TOX: variants seen among roughly 807,000 people sequenced by gnomAD.
TOX encodes the protein thymocyte selection-associated high mobility group box protein TOX.
TOX carries 11 observed loss-of-function variants against 53.7 expected under a neutral mutation model. That is an observed-to-expected ratio of 0.20 (90% confidence interval 0.13 to 0.34). The LOEUF is 0.34. Ranked by LOEUF, TOX falls within the 10% of genes least tolerant of loss-of-function variation. The probability of loss-of-function intolerance (pLI) is 1.00; values close to 1 mark genes in which losing one functional copy is unlikely to be tolerated. For missense variants in TOX, 570 were observed against 664.6 expected (o/e 0.86, Z 1.56); for synonymous variants, 225 against 245.3 (o/e 0.92, Z 0.77).
chr8:59,022,878 G>T (rs1047974762), intron 1 of TOX, among the ~76,000 whole-genome samples: 1 of 152,132 alleles, frequency 6.6e-6, no homozygotes, highest in Non-Finnish European at 1.5e-5. Context: ...CTTGAAGGAT[G>T]ACAGCAAAAC....
intron 3 of TOX, among the ~76,000 whole-genome samples, chr8:58,936,723 C>G (rs531585362): frequency 6.6e-6 from 1 of 152,192 alleles, no homozygotes; most frequent in Non-Finnish European, 1.5e-5. Context: ...ATCCCCAAGC[C>G]TTGAGAAACA....
intron 1 of TOX, among the ~76,000 whole-genome samples, chr8:59,069,796 A>G (rs959765884): frequency 6.6e-6 from 1 of 152,250 alleles, no homozygotes; most frequent in African/African-American, 2.4e-5. Flanking sequence ...TATGTTGTAC[A>G]GTGAGTCAGA....
chr8:58,846,066 T>C (rs571216415), intron 4 of TOX, among the ~76,000 whole-genome samples: 1 of 152,078 alleles, frequency 6.6e-6, no homozygotes, highest in Non-Finnish European at 1.5e-5. Flanking sequence ...ATTAATTAAG[T>C]ATGCTCAGTC....
intron 1 of TOX, among the ~76,000 whole-genome samples, chr8:58,984,639 T>C (rs983388696): frequency 1.3e-5 from 2 of 151,876 alleles, no homozygotes; most frequent in Admixed American, 1.3e-4. Flanking sequence ...AATAATTAGC[T>C]GGGTGTGGTG....
rs550882424 is a variant in TOX at position 58,966,873 on chromosome 8, C to CTT, written c.103-6867_103-6866dup. ...CACCAAACTTATGATTCAAGTTATTCTTTTTTTTTTTTTTTTTTTTAGATG... is the reference window on the plus strand; with the variant it reads ...CACCAAACTTATGATTCAAGTTATTCTTTTTTTTTTTTTTTTTTTTTTAGATG... On this transcript the variant is annotated intron_variant, in intron 1 of 8. Transcript: ENST00000361421. Among the ~76,000 whole-genome samples the CTT allele has an allele frequency of 2.7e-3, 328 of 123,674 alleles. 5 individuals carry two copies. Among genetic ancestry groups the CTT allele is most frequent in the South Asian group, 0.012 (43 of 3,640 alleles). 81.1% of individuals were successfully genotyped at this position (123,674 alleles called of 152,430 possible).
chr8:58,920,644 A>AC (rs1261184022), intron 3 of TOX, among the ~76,000 whole-genome samples: 2 of 121,424 alleles, frequency 1.6e-5, no homozygotes, highest in African/African-American at 6.3e-5. Context: ...CCAGCATGGC[A>AC]CATGTATACA....
At chr8:59,098,036 A>T (rs943048247) in intron 1 of TOX, among the ~76,000 whole-genome samples, 1 of 152,056 alleles carries the variant, frequency 6.6e-6, no homozygotes, top group African/African-American at 2.4e-5. Context: ...TAACCAGCAC[A>T]AATATGATCT....
At chr8:58,992,162 G>C (rs540808221) in intron 1 of TOX, 1 of 152,338 alleles carries the variant, frequency 6.6e-6, no homozygotes, top group South Asian at 2.1e-4. Flanking sequence ...AGACGAAGGG[G>C]AATAAGCAGA....
chr8:59,082,275 G>A (rs971639380), intron 1 of TOX, among the ~76,000 whole-genome samples: 32 of 152,182 alleles, frequency 2.1e-4, no homozygotes, highest in African/African-American at 7.5e-4. Context: ...AATCTTCCAC[G>A]GAGAATTGGG....
chr8:58,907,641 T>C (rs1433027006), intron 3 of TOX, among the ~76,000 whole-genome samples: 2 of 152,086 alleles, frequency 1.3e-5, no homozygotes, highest in Admixed American at 6.5e-5. Flanking sequence ...GGAATGTTGT[T>C]TTCAAGCATG....
At chr8:59,092,326 TATTATATATTATATATAC>T (rs1290689263) in intron 1 of TOX, among the ~76,000 whole-genome samples, 5 of 129,524 alleles carry the variant, frequency 3.9e-5, no homozygotes, top group Non-Finnish European at 7.9e-5. Flanking sequence ...TACATATATA[TATTATATATTATATATAC>T]ATTATATATA....
chr8:59,028,311 A>G (rs991234078), intron 1 of TOX, among the ~76,000 whole-genome samples: 5 of 152,106 alleles, frequency 3.3e-5, no homozygotes, highest in African/African-American at 4.8e-5. Context: ...TTTAAAACCA[A>G]TGGCTATAAT....
intron 1 of TOX, among the ~76,000 whole-genome samples, chr8:59,074,650 G>C (rs1337021700): frequency 6.6e-6 from 1 of 152,174 alleles, no homozygotes; most frequent in Non-Finnish European, 1.5e-5. Context: ...AGAAATTAAA[G>C]TTAGAGAAAA....
intron 3 of TOX, among the ~76,000 whole-genome samples, chr8:58,903,938 CT>C (rs1481696398): frequency 6.6e-6 from 1 of 152,126 alleles, no homozygotes; most frequent in African/African-American, 2.4e-5. Context: ...ATATGCATTT[CT>C]AATAAAATGG....
chr8:59,070,506 A>AACACACACACACACACACACAC (rs371344375), intron 1 of TOX, among the ~76,000 whole-genome samples: 3 of 140,226 alleles, frequency 2.1e-5, no homozygotes, highest in Admixed American at 7.2e-5. Flanking sequence ...TGTCAAGGAA[A>AACACACACACACACACACACAC]ACACACACAC....
chr8:58,860,439 G>A (rs1810990967), intron 3 of TOX, among the ~76,000 whole-genome samples: 2 of 152,168 alleles, frequency 1.3e-5, no homozygotes, highest in South Asian at 4.1e-4. Flanking sequence ...AGACAAATAG[G>A]AGAGGAGTGT....
intron 1 of TOX, among the ~76,000 whole-genome samples, chr8:59,014,163 A>G (rs966349867): frequency 5.3e-5 from 8 of 152,252 alleles, no homozygotes; most frequent in South Asian, 2.1e-4. Flanking sequence ...TATTATCAGT[A>G]TATTGAAAAC....
chr8:59,021,492 A>G (rs1585969120), intron 1 of TOX, among the ~76,000 whole-genome samples: 1 of 129,640 alleles, frequency 7.7e-6, no homozygotes, highest in African/African-American at 2.7e-5. Context: ...ATATATATAT[A>G]TATATATGCA....
intron 1 of TOX, among the ~76,000 whole-genome samples, chr8:59,105,809 T>C (rs887701449): frequency 1.3e-5 from 2 of 152,240 alleles, no homozygotes; most frequent in Non-Finnish European, 2.9e-5. Context: ...CAAAGTTTCC[T>C]GTTACATAAA....
Sources: allele counts gnomAD v4.1 joint callset (sites outside exome capture counted in the v4.1 genomes callset), GRCh38; gene constraint gnomAD v4.1.1; transcripts MANE v1.5; gene names NCBI Gene and HGNC (gene_info 2026-07-23, HGNC 2026-07-21).